Variants in FBXL17 observed in about 807,000 individuals in gnomAD.
The protein encoded by FBXL17 is F-box/LRR-repeat protein 17.
Under a neutral mutation model 66.2 loss-of-function variants are expected in FBXL17, and 22 were observed. The observed-to-expected ratio is 0.33, with a 90% CI of 0.24 to 0.47. The LOEUF (loss-of-function observed/expected upper bound fraction) is 0.47, where lower values mean the gene tolerates loss of function less well. FBXL17 is among the 20% of genes least tolerant of loss of function. The probability of loss-of-function intolerance (pLI) is 1.00; values close to 1 mark genes in which losing one functional copy is unlikely to be tolerated. For synonymous variants in FBXL17, 474 were observed against 400.5 expected, an observed-to-expected ratio of 1.18 and a Z score of -2.19; for missense variants, 878 against 948.2, an observed-to-expected ratio of 0.93 and a Z score of 0.97.
intron 6 of FBXL17, among the ~76,000 whole-genome samples, chr5:108,061,419 G>C (rs948271078): frequency 1.3e-4 from 20 of 152,076 alleles, no homozygotes; most frequent in African/African-American, 4.8e-4. Context: ...GAAGAGAAGA[G>C]AGAAAATGAG....
At chr5:108,046,604 A>G (rs971004060) in intron 6 of FBXL17, among the ~76,000 whole-genome samples, 1 of 152,050 alleles carries the variant, frequency 6.6e-6, no homozygotes, top group Non-Finnish European at 1.5e-5. Flanking sequence ...TCTTTATATA[A>G]CTTTCTAAAT....
chr5:108,019,710 C>G (rs75010842), intron 7 of FBXL17, among the ~76,000 whole-genome samples: 3,584 of 151,968 alleles, frequency 0.024, 58 homozygotes, highest in Non-Finnish European at 0.036. Flanking sequence ...TCAGGGAGAA[C>G]TCTTTAGGGT....
chr5:108,133,321 T>C (rs1411535744), intron 6 of FBXL17, among the ~76,000 whole-genome samples: 1 of 152,100 alleles, frequency 6.6e-6, no homozygotes, highest in African/African-American at 2.4e-5. Flanking sequence ...GTACTATGCA[T>C]GGGAGAAGTG....
At chr5:108,029,010 C>G (rs1754931952) in intron 6 of FBXL17, among the ~76,000 whole-genome samples, 1 of 152,102 alleles carries the variant, frequency 6.6e-6, no homozygotes, top group Admixed American at 6.6e-5. Context: ...CAGAGGAAAG[C>G]AGGTCAACAT....
rs1749990919 is a variant in FBXL17 at position 108,381,877 on chromosome 5, G to C, written c.-186C>G. ...TGGGCGTCAGCTGCGGGCCGCCGGAGTGCCCGACGGGGGCTACATGCTTTG... is the reference window on the plus strand; with the variant it reads ...TGGGCGTCAGCTGCGGGCCGCCGGACTGCCCGACGGGGGCTACATGCTTTG... On this transcript the variant is annotated 5_prime_UTR_variant, in exon 1 of 9. Transcript: ENST00000542267. The C allele has an allele frequency of 4.6e-6, 6 of 1,293,650 alleles. No homozygotes were observed. The South Asian group carries it at 6.7e-5, about 15-fold the overall frequency. The allele number at this position is 1,293,650 out of a possible 1,614,324, so 80.1% of individuals were successfully genotyped here.
intron 7 of FBXL17, among the ~76,000 whole-genome samples, chr5:107,892,484 T>G (rs1169526204): frequency 3.3e-5 from 5 of 152,120 alleles, no homozygotes; most frequent in Non-Finnish European, 7.4e-5. Flanking sequence ...TTATGCAAGT[T>G]TTATTTTTAC....
At chr5:108,327,879 C>T (rs1258821014) in intron 4 of FBXL17, among the ~76,000 whole-genome samples, 1 of 152,112 alleles carries the variant, frequency 6.6e-6, no homozygotes, top group Non-Finnish European at 1.5e-5. Context: ...ACAACTATTT[C>T]CCAAGATGCT....
intron 7 of FBXL17, among the ~76,000 whole-genome samples, chr5:107,968,040 G>A (rs937121950): frequency 5.3e-5 from 8 of 152,064 alleles, no homozygotes; most frequent in Non-Finnish European, 1.2e-4. Flanking sequence ...ATATTTAAAG[G>A]TATAAATATG....
intron 6 of FBXL17, among the ~76,000 whole-genome samples, chr5:108,025,281 G>A (rs1031834621): frequency 2.6e-5 from 4 of 152,086 alleles, no homozygotes; most frequent in Non-Finnish European, 5.9e-5. Context: ...GAAAAGAAAT[G>A]TCCCCAGCAG....
chr5:108,276,120 T>C (rs1304652899), intron 4 of FBXL17, among the ~76,000 whole-genome samples: 1 of 152,216 alleles, frequency 6.6e-6, no homozygotes, highest in Non-Finnish European at 1.5e-5. Flanking sequence ...CGAAACAAAA[T>C]GCTTAATTAA....
intron 6 of FBXL17, among the ~76,000 whole-genome samples, chr5:108,165,148 GA>G (rs1160152972): frequency 1.3e-5 from 2 of 152,094 alleles, no homozygotes; most frequent in Non-Finnish European, 2.9e-5. Context: ...CTATTAATAA[GA>G]GATTTGTTAA....
chr5:107,961,651 A>T (rs1751912860), intron 7 of FBXL17, among the ~76,000 whole-genome samples: 1 of 152,170 alleles, frequency 6.6e-6, no homozygotes, highest in Non-Finnish European at 1.5e-5. Flanking sequence ...AGACAAAATG[A>T]GTCAAAACCT....
At chr5:108,074,894 C>T (rs1459876917) in intron 6 of FBXL17, among the ~76,000 whole-genome samples, 1 of 152,176 alleles carries the variant, frequency 6.6e-6, no homozygotes, top group Non-Finnish European at 1.5e-5. Flanking sequence ...GTTATTACTA[C>T]AGGAGGCTAC....
At chr5:108,135,155 T>G (rs776203590) in intron 6 of FBXL17, among the ~76,000 whole-genome samples, 3 of 152,076 alleles carry the variant, frequency 2.0e-5, no homozygotes, top group Non-Finnish European at 4.4e-5. Context: ...ATCATCTTAC[T>G]GCTGTGCTGA....
intron 7 of FBXL17, among the ~76,000 whole-genome samples, chr5:107,996,782 T>C (rs1324934164): frequency 6.6e-6 from 1 of 152,202 alleles, no homozygotes; most frequent in Non-Finnish European, 1.5e-5. Flanking sequence ...CACACAGATA[T>C]TAAGACACAA....
At chr5:108,230,288 C>A (rs1300952583) in intron 4 of FBXL17, among the ~76,000 whole-genome samples, 2 of 152,132 alleles carry the variant, frequency 1.3e-5, no homozygotes, top group Non-Finnish European at 2.9e-5. Context: ...TATGGAAACA[C>A]AATTCACAAC....
chr5:108,378,651 A>C (rs1278389759), intron 1 of FBXL17, among the ~76,000 whole-genome samples: 3 of 152,212 alleles, frequency 2.0e-5, no homozygotes, highest in Non-Finnish European at 4.4e-5. Context: ...CTCCAGTCAG[A>C]ATATGGACAT....
At chr5:108,281,028 T>C (rs533588502) in intron 4 of FBXL17, among the ~76,000 whole-genome samples, 3 of 151,880 alleles carry the variant, frequency 2.0e-5, no homozygotes, top group Admixed American at 1.3e-4. Flanking sequence ...ATAAAACAAA[T>C]ATTACTAGAC....
At chr5:108,132,402 A>G (rs1750972109) in intron 6 of FBXL17, among the ~76,000 whole-genome samples, 1 of 152,248 alleles carries the variant, frequency 6.6e-6, no homozygotes. Context: ...AGTGTTATAT[A>G]TAAAAGAACA....
Sources: allele counts gnomAD v4.1 joint callset (sites outside exome capture counted in the v4.1 genomes callset), GRCh38; gene constraint gnomAD v4.1.1; transcripts MANE v1.5; gene names NCBI Gene and HGNC (gene_info 2026-07-23, HGNC 2026-07-21).